The following FRMPD3 variants were observed in gnomAD, a reference collection of about 807,000 sequenced individuals.
FRMPD3 encodes FERM and PDZ domain-containing protein 3.
FRMPD3 carries 42 observed loss-of-function variants against 97.9 expected under a neutral mutation model. That is an observed-to-expected ratio of 0.43 (90% CI 0.34 to 0.55). FRMPD3 has a LOEUF of 0.55. Ranked by LOEUF, FRMPD3 falls within the 20% of genes least tolerant of loss-of-function variation. FRMPD3 has a pLI of 0.03. For missense variants in FRMPD3, 1,303 were observed against 1,457.7 expected, an observed-to-expected ratio of 0.89 and a Z score of 1.73; for synonymous variants, 577 against 581.1, an observed-to-expected ratio of 0.99 and a Z score of 0.10.
rs552301145 is a variant in FRMPD3 at position 107,591,245 on chromosome X, C to T, written c.1442-6076C>T. Among the ~76,000 whole-genome samples, 3 of 109,055 alleles carry T rather than the reference C, an allele frequency of 2.8e-5. No homozygotes were observed. In the East Asian group the frequency reaches 8.5e-4, roughly 31 times the overall value. The allele number at this position is 109,055 out of a possible 115,157, so 94.7% of individuals were successfully genotyped here. On this transcript the variant is annotated intron_variant, in intron 13 of 14. Coordinates refer to ENST00000683843, the MANE Select transcript of FRMPD3 (RefSeq NM_001388459.1). ...CAATCTTGGCTCACTGCAACCTCCACCTCCCGGGTTCAAACTATTCTCCTG... is the reference window on the plus strand; with the variant it reads ...CAATCTTGGCTCACTGCAACCTCCATCTCCCGGGTTCAAACTATTCTCCTG...
chrX:107,512,059 GCA>G (rs910131870), intron 1 of FRMPD3, among the ~76,000 whole-genome samples: 10 of 105,185 alleles, frequency 9.5e-5, no homozygotes, highest in Admixed American at 2.0e-4. Context: ...ACACACACGC[GCA>G]CACACACACA....
intron 5 of FRMPD3, among the ~76,000 whole-genome samples, chrX:107,549,180 CATGG>C (rs2147578715): frequency 9.1e-6 from 1 of 110,027 alleles, no homozygotes; most frequent in East Asian, 2.9e-4. Flanking sequence ...GAGGGCCAGG[CATGG>C]TGACTCTCGC....
At chrX:107,577,600 G>A (rs953750607) in intron 13 of FRMPD3, among the ~76,000 whole-genome samples, 7 of 109,891 alleles carry the variant, frequency 6.4e-5, no homozygotes, top group African/African-American at 2.3e-4. Flanking sequence ...AGTGAGCCGA[G>A]ATCCCGCCTT....
intron 1 of FRMPD3, among the ~76,000 whole-genome samples, chrX:107,499,195 G>T (rs758164642): frequency 1.8e-5 from 2 of 112,125 alleles, no homozygotes; most frequent in Non-Finnish European, 3.8e-5. Flanking sequence ...TAAGGAGGCA[G>T]ATGAGGTTCA....
chrX:107,475,832 A>G (rs1921184309), intron 1 of FRMPD3, among the ~76,000 whole-genome samples: 1 of 112,427 alleles, frequency 8.9e-6, no homozygotes, highest in Non-Finnish European at 1.9e-5. Flanking sequence ...GTGGTTTATC[A>G]TTTCTGAGCC....
intron 4 of FRMPD3, among the ~76,000 whole-genome samples, chrX:107,535,819 C>A (rs2147560360): frequency 9.0e-6 from 1 of 110,518 alleles, no homozygotes; most frequent in African/African-American, 3.3e-5. Context: ...GTAAAGATAC[C>A]CCATTTACCA....
In FRMPD3 at chrX:107,530,633, A is replaced by G. The variant is rs915542920; in HGVS notation, c.251+122A>G. 6 of 508,623 alleles carry G rather than the reference A, an allele frequency of 1.2e-5. No homozygotes were observed. The African/African-American group carries it at 1.2e-4, about 10-fold the overall frequency. The allele number at this position is 508,623 out of a possible 1,213,427, so 41.9% of individuals were successfully genotyped here. A position where few individuals can be genotyped will look rare whatever the true frequency, so the allele number is the denominator to read the frequency against. On this transcript the variant is annotated intron_variant, in intron 3 of 14. Transcript: ENST00000683843. ...GAATCCTTCCAGGCAGAGAAGCCCT[A>G]TAGAGGGCTCCTGGCTAACCCAGAA... is the stretch of plus-strand genomic sequence containing the variant.
chrX:107,528,443 G>A (rs974501408), intron 2 of FRMPD3, among the ~76,000 whole-genome samples: 1 of 111,359 alleles, frequency 9.0e-6, no homozygotes, highest in African/African-American at 3.3e-5. Context: ...GGGAGGGAAG[G>A]GAAGAAGAAG....
intron 1 of FRMPD3, among the ~76,000 whole-genome samples, chrX:107,515,043 A>G (rs767959128): frequency 8.9e-6 from 1 of 112,017 alleles, no homozygotes; most frequent in South Asian, 3.8e-4. Context: ...TTTGGACATG[A>G]TAAGTTTGAG....
chrX:107,525,433 G>A (rs192506943), intron 1 of FRMPD3, among the ~76,000 whole-genome samples: 1 of 112,567 alleles, frequency 8.9e-6, no homozygotes, highest in African/African-American at 3.2e-5. Flanking sequence ...CTTCTTGCCT[G>A]CAGTATGCCT....
At chrX:107,596,828 A>G (rs576162285) in intron 13 of FRMPD3, among the ~76,000 whole-genome samples, 1 of 112,331 alleles carries the variant, frequency 8.9e-6, no homozygotes, top group South Asian at 3.7e-4. Context: ...GGTTCTGACT[A>G]AAGCATTAGT....
chrX:107,469,521 C>T (rs1267595627), intron 1 of FRMPD3, among the ~76,000 whole-genome samples: 1 of 111,954 alleles, frequency 8.9e-6, no homozygotes, highest in African/African-American at 3.2e-5. Flanking sequence ...CAAACCATAT[C>T]AAAATGAAAG....
intron 1 of FRMPD3, among the ~76,000 whole-genome samples, chrX:107,486,859 A>G (rs1035592927): frequency 9.2e-6 from 1 of 108,567 alleles, no homozygotes; most frequent in Non-Finnish European, 1.9e-5. Context: ...TCAGTCTTTG[A>G]AAAAAAAAAG....
intron 1 of FRMPD3, among the ~76,000 whole-genome samples, chrX:107,454,745 A>G (rs1329490775): frequency 8.9e-6 from 1 of 112,289 alleles, no homozygotes; most frequent in Non-Finnish European, 1.9e-5. Context: ...CCTGGCATTC[A>G]AAGTTCTCCT....
At chrX:107,473,604 A>G (rs1387890260) in intron 1 of FRMPD3, among the ~76,000 whole-genome samples, 1 of 112,250 alleles carries the variant, frequency 8.9e-6, no homozygotes, top group African/African-American at 3.2e-5. Flanking sequence ...AGAAGTTTCT[A>G]CTACACTTCC....
At chrX:107,493,115 G>A (rs1363896990) in intron 1 of FRMPD3, among the ~76,000 whole-genome samples, 3 of 102,135 alleles carry the variant, frequency 2.9e-5, no homozygotes, top group African/African-American at 1.1e-4. Context: ...GGAAGGTTAA[G>A]GCTATAGAGA....
intron 1 of FRMPD3, among the ~76,000 whole-genome samples, chrX:107,523,426 C>T (rs1161630167): frequency 8.9e-6 from 1 of 111,806 alleles, no homozygotes; most frequent in African/African-American, 3.3e-5. Context: ...AGATGGAATG[C>T]ACCTATGGAC....
intron 12 of FRMPD3, among the ~76,000 whole-genome samples, chrX:107,569,489 G>A (rs1472742897): frequency 1.8e-5 from 2 of 109,684 alleles, no homozygotes; most frequent in Non-Finnish European, 1.9e-5. Flanking sequence ...GAAGGAATTG[G>A]GAGAGCAGGG....
At chrX:107,542,062 C>T (rs1288348301) in intron 4 of FRMPD3, among the ~76,000 whole-genome samples, 1 of 112,536 alleles carries the variant, frequency 8.9e-6, no homozygotes, top group Non-Finnish European at 1.9e-5. Context: ...AAAGATTCCA[C>T]TTGCCTCATG....
Sources: allele counts gnomAD v4.1 joint callset (sites outside exome capture counted in the v4.1 genomes callset), GRCh38; gene constraint gnomAD v4.1.1; transcripts MANE v1.5; gene names NCBI Gene and HGNC (gene_info 2026-07-23, HGNC 2026-07-21).